BICDL1: variants seen among roughly 807,000 people sequenced by gnomAD.
The protein encoded by BICDL1 is BICD family like cargo adaptor 1.
BICDL1 carries 20 observed loss-of-function variants against 76.8 expected under a neutral mutation model. The ratio of observed to expected loss-of-function variants is 0.26; its 90% CI spans 0.18 to 0.38. The LOEUF (loss-of-function observed/expected upper bound fraction) is 0.38. Ranked by LOEUF, BICDL1 falls within the 10% of genes least tolerant of loss-of-function variation. The probability of loss-of-function intolerance (pLI) is 1.00; values close to 1 mark genes in which losing one functional copy is unlikely to be tolerated. For missense variants in BICDL1, 700 were observed against 798.6 expected, an observed-to-expected ratio of 0.88 and a Z score of 1.49; for synonymous variants, 383 against 337.1, an observed-to-expected ratio of 1.14 and a Z score of -1.49.
At chr12:120,046,843 G>T (rs1270984244) in intron 2 of BICDL1, among the ~76,000 whole-genome samples, 2 of 152,184 alleles carry the variant, frequency 1.3e-5, no homozygotes, top group Non-Finnish European at 2.9e-5. Flanking sequence ...GTTTTATTAT[G>T]AGTCCTCATA....
At chr12:120,068,340 C>T (rs1191218772) in intron 4 of BICDL1, among the ~76,000 whole-genome samples, 2 of 152,226 alleles carry the variant, frequency 1.3e-5, no homozygotes, top group East Asian at 1.9e-4. Context: ...TCCTGAAAGT[C>T]TTCTAAGGAC....
At chr12:120,085,360 C>T (rs150295526) in intron 8 of BICDL1, among the ~76,000 whole-genome samples, 67 of 152,188 alleles carry the variant, frequency 4.4e-4, no homozygotes, top group African/African-American at 1.5e-3. Context: ...GCCAAGATTG[C>T]ACCACTGCCC....
At chr12:120,002,356 G>T (rs1414061642) in intron 2 of BICDL1, among the ~76,000 whole-genome samples, 1 of 152,168 alleles carries the variant, frequency 6.6e-6, no homozygotes, top group Non-Finnish European at 1.5e-5. Flanking sequence ...ACGTGTTGGG[G>T]TTTTCTTACC....
At chr12:120,003,922 G>T (rs1297072791) in intron 2 of BICDL1, among the ~76,000 whole-genome samples, 2 of 152,138 alleles carry the variant, frequency 1.3e-5, no homozygotes, top group Non-Finnish European at 2.9e-5. Flanking sequence ...TGGCTTTCCT[G>T]TCCTTCTTGG....
intron 2 of BICDL1, among the ~76,000 whole-genome samples, chr12:120,003,053 G>C (rs1363936049): frequency 6.6e-6 from 1 of 152,014 alleles, no homozygotes; most frequent in East Asian, 1.9e-4. Flanking sequence ...AGCTACCGGG[G>C]AGTCTGATGC....
intron 2 of BICDL1, among the ~76,000 whole-genome samples, chr12:120,033,254 G>A (rs530213552): frequency 6.6e-6 from 1 of 151,768 alleles, no homozygotes; most frequent in Non-Finnish European, 1.5e-5. Flanking sequence ...TCTATGTCTG[G>A]TGCATTATGC....
intron 2 of BICDL1, among the ~76,000 whole-genome samples, chr12:120,012,655 G>C (rs148300912): frequency 6.6e-6 from 1 of 152,090 alleles, no homozygotes; most frequent in Non-Finnish European, 1.5e-5. Context: ...CTAAGTAATA[G>C]ATATCAATTC....
chr12:120,061,751 C>G lies in BICDL1; in HGVS notation c.687C>G (p.Ala229=), dbSNP rs1400281363. ...GACAACTCTCCATGCAGGTCCACGC[C>G]CTCAGAGAAGACTTTCGGGAGAAAA... is the stretch of plus-strand genomic sequence containing the variant. ...VERQLSMQVH[A]LREDFREKNS... is the part of the protein sequence containing the mutation. The change falls in exon 3 of 10, where the codon GCC becomes GCG. Residue 229 remains alanine (A), a synonymous_variant. Coordinates refer to ENST00000548673, the MANE Select transcript of BICDL1 (RefSeq NM_001367886.1). The G allele has an allele frequency of 6.2e-7, 1 of 1,614,200 alleles. No individual in the cohort carries two copies. The highest frequency in any genetic ancestry group is 2.2e-5 in the East Asian group (1 of 44,892).
chr12:120,006,269 A>G (rs1297125495), intron 2 of BICDL1, among the ~76,000 whole-genome samples: 1 of 152,184 alleles, frequency 6.6e-6, no homozygotes, highest in African/African-American at 2.4e-5. Flanking sequence ...TTGCTTTATA[A>G]TTATTTGTTA....
chr12:120,063,687 A>G (rs1953156202), intron 3 of BICDL1, among the ~76,000 whole-genome samples: 2 of 152,220 alleles, frequency 1.3e-5, no homozygotes. Context: ...AATATTTACA[A>G]GCAAGAAACT....
At chr12:120,022,720 G>A (rs1279296615) in intron 2 of BICDL1, among the ~76,000 whole-genome samples, 4 of 151,866 alleles carry the variant, frequency 2.6e-5, no homozygotes, top group Non-Finnish European at 5.9e-5. Context: ...AGTGATCCCC[G>A]AGAAATGGGG....
chr12:120,084,400 C>T (rs1874236669), intron 8 of BICDL1, among the ~76,000 whole-genome samples: 1 of 152,208 alleles, frequency 6.6e-6, no homozygotes, highest in South Asian at 2.1e-4. Context: ...TTGCCAGGGC[C>T]ACAGCCAGCA....
chr12:120,088,344 G>A (rs111824642), intron 8 of BICDL1, among the ~76,000 whole-genome samples: 4,907 of 152,082 alleles, frequency 0.032, 120 homozygotes, highest in Non-Finnish European at 0.049. Context: ...CTACCTCATG[G>A]TTTTTTGTGG....
chr12:120,092,607 G>T, intron 9 of BICDL1: 2 of 985,446 alleles, frequency 2.0e-6, no homozygotes, highest in South Asian at 9.4e-5. Context: ...GGGGCTGGGG[G>T]TGGCAAGCCA....
chr12:120,059,181 T>A (rs1256954848), intron 2 of BICDL1, among the ~76,000 whole-genome samples: 1 of 151,978 alleles, frequency 6.6e-6, no homozygotes, highest in Non-Finnish European at 1.5e-5. Context: ...CTGCAACTTC[T>A]GCCTCCCAGG....
chr12:120,008,182 A>C, intron 2 of BICDL1, among the ~76,000 whole-genome samples: 1 of 106,970 alleles, frequency 9.3e-6, no homozygotes. Context: ...TTTTTGAGAC[A>C]GGATCTCACT....
intron 2 of BICDL1, among the ~76,000 whole-genome samples, chr12:120,054,222 C>A (rs11065004): frequency 0.32 from 48,411 of 151,534 alleles, 9,711 homozygotes; most frequent in African/African-American, 0.56. Context: ...ACAGGTGTGC[C>A]CCACCACCCC....
intron 2 of BICDL1, among the ~76,000 whole-genome samples, chr12:120,058,055 G>T (rs1953018835): frequency 6.6e-6 from 1 of 151,628 alleles, no homozygotes; most frequent in Admixed American, 6.6e-5. Context: ...GGATGGTCTC[G>T]ATCTCCTGAC....
rs11836155 is a variant in BICDL1 at position 120,025,092 on chromosome 12, C to T, written c.645+26356C>T. On this transcript the variant is annotated intron_variant, in intron 2 of 9. Coordinates refer to ENST00000548673, the MANE Select transcript of BICDL1 (RefSeq NM_001367886.1). ...GAGACGGAGGAGTCTTTCTGTCACC[C>T]AGGCTGGAGTGCAGTGGCGCGATCT... Among the ~76,000 whole-genome samples, 407 of 150,680 alleles carry T rather than the reference C, an allele frequency of 2.7e-3. 1 individual carries two copies. Among genetic ancestry groups the T allele is most frequent in the African/African-American group, 9.1e-3 (372 of 40,964 alleles).
Sources: allele counts gnomAD v4.1 joint callset (sites outside exome capture counted in the v4.1 genomes callset), GRCh38; gene constraint gnomAD v4.1.1; transcripts MANE v1.5; gene names NCBI Gene and HGNC (gene_info 2026-07-23, HGNC 2026-07-21).